Variants in AKAP6 observed in about 807,000 individuals in gnomAD.
AKAP6 encodes A-kinase anchoring protein 6.
Under a neutral mutation model 188.5 loss-of-function variants are expected in AKAP6, and 58 were observed. That is an observed-to-expected ratio of 0.31 (90% confidence interval 0.25 to 0.38). The LOEUF (loss-of-function observed/expected upper bound fraction) is 0.38. Ranked by LOEUF, AKAP6 falls within the 10% of genes least tolerant of loss-of-function variation. The pLI is 1.00. For synonymous variants in AKAP6, 989 were observed against 998.6 expected (o/e 0.99, Z 0.18); for missense variants, 2,710 against 2,740.0 (o/e 0.99, Z 0.24).
intron 1 of AKAP6, among the ~76,000 whole-genome samples, chr14:32,353,429 C>A (rs1236661703): frequency 6.6e-6 from 1 of 152,010 alleles, no homozygotes; most frequent in Non-Finnish European, 1.5e-5. Flanking sequence ...GGTGTGGTGG[C>A]GGGCGCCTGT....
chr14:32,639,984 A>C (rs1037801651), intron 7 of AKAP6, among the ~76,000 whole-genome samples: 4 of 152,144 alleles, frequency 2.6e-5, no homozygotes, highest in Admixed American at 1.3e-4. Context: ...AGTAAACTCC[A>C]TTTTTGTTAA....
intron 1 of AKAP6, among the ~76,000 whole-genome samples, chr14:32,372,465 C>T (rs1594551441): frequency 6.6e-6 from 1 of 151,866 alleles, no homozygotes; most frequent in African/African-American, 2.4e-5. Flanking sequence ...AAGTACTAGT[C>T]ATCCAAATCA....
intron 1 of AKAP6, among the ~76,000 whole-genome samples, chr14:32,362,920 G>C (rs777162619): frequency 7.9e-5 from 12 of 152,176 alleles, no homozygotes; most frequent in Non-Finnish European, 1.3e-4. Flanking sequence ...TGGGGCTGGA[G>C]AGCAGTAGAG....
At chr14:32,385,120 A>C (rs1490443249) in intron 1 of AKAP6, 2 of 149,080 alleles carry the variant, frequency 1.3e-5, no homozygotes, top group African/African-American at 4.9e-5. Context: ...CTTCAATAAG[A>C]AACTCCATCT....
At chr14:32,541,917 T>C (rs1464138398) in intron 3 of AKAP6, among the ~76,000 whole-genome samples, 1 of 152,206 alleles carries the variant, frequency 6.6e-6, no homozygotes, top group Admixed American at 6.5e-5. Flanking sequence ...TGAGATTGAT[T>C]TCTTATTTTG....
intron 2 of AKAP6, among the ~76,000 whole-genome samples, chr14:32,456,041 T>C (rs538586613): frequency 6.6e-6 from 1 of 152,286 alleles, no homozygotes; most frequent in East Asian, 1.9e-4. Flanking sequence ...TTTCTGTTTT[T>C]TTTCGGTGGT....
At chr14:32,753,819 A>G (rs995924003) in intron 11 of AKAP6, among the ~76,000 whole-genome samples, 7 of 152,060 alleles carry the variant, frequency 4.6e-5, no homozygotes, top group African/African-American at 1.7e-4. Flanking sequence ...TGTTGAAAAT[A>G]AATTGATCAT....
At chr14:32,693,639 G>A (rs1890272764) in intron 8 of AKAP6, 1 of 152,096 alleles carries the variant, frequency 6.6e-6, no homozygotes, top group Non-Finnish European at 1.5e-5. Context: ...CTTAGGCCAG[G>A]AGAGAGGAGA....
intron 7 of AKAP6, among the ~76,000 whole-genome samples, chr14:32,601,648 TG>T (rs1885931553): frequency 6.6e-6 from 1 of 152,162 alleles, no homozygotes; most frequent in South Asian, 2.1e-4. Flanking sequence ...TATTGTAACA[TG>T]GGGGAAACAT....
At chr14:32,372,691 G>C (rs777899736) in intron 1 of AKAP6, among the ~76,000 whole-genome samples, 1 of 151,662 alleles carries the variant, frequency 6.6e-6, no homozygotes, top group Non-Finnish European at 1.5e-5. Context: ...GGAGGAATTA[G>C]GAACCCCACA....
intron 2 of AKAP6, among the ~76,000 whole-genome samples, chr14:32,472,782 C>A (rs1422506258): frequency 2.6e-5 from 4 of 152,104 alleles, no homozygotes; most frequent in African/African-American, 9.7e-5. Context: ...GTCTGGTCTG[C>A]CACCATCACC....
chr14:32,514,343 C>T (rs1217704777), intron 2 of AKAP6, among the ~76,000 whole-genome samples: 1 of 152,162 alleles, frequency 6.6e-6, no homozygotes, highest in East Asian at 1.9e-4. Context: ...AATCAACAGT[C>T]AAGCCAGTTG....
intron 1 of AKAP6, among the ~76,000 whole-genome samples, chr14:32,348,894 A>G (rs972354221): frequency 6.6e-6 from 1 of 152,184 alleles, no homozygotes; most frequent in Non-Finnish European, 1.5e-5. Flanking sequence ...TGCTGAGGCC[A>G]GCCTGTGAGT....
At chr14:32,699,819 C>T (rs190290744) in intron 9 of AKAP6, among the ~76,000 whole-genome samples, 198 of 152,272 alleles carry the variant, frequency 1.3e-3, no homozygotes, top group African/African-American at 4.3e-3. Context: ...CTCGTCATTC[C>T]TCCTCTCTTC....
At chr14:32,820,720 AG>A (rs1444244124) in intron 12 of AKAP6, among the ~76,000 whole-genome samples, 2 of 152,138 alleles carry the variant, frequency 1.3e-5, no homozygotes, top group Non-Finnish European at 2.9e-5. Flanking sequence ...TGGAGCATTC[AG>A]GGTCTAGGAA....
rs145155247 is a variant in AKAP6, at chr14:32,744,601, G to A, written c.3372+8719G>A. Among the ~76,000 whole-genome samples the A allele has an allele frequency of 4.5e-3, 686 of 152,280 alleles. 11 individuals carry two copies. The highest frequency in any genetic ancestry group is 0.016 in the African/African-American group (654 of 41,568). ...CAAAGTACTGGGATTACAGGCATGAGCCACTGCACCCGGTCCTTGGTATAA... is the reference window on the plus strand; with the variant it reads ...CAAAGTACTGGGATTACAGGCATGAACCACTGCACCCGGTCCTTGGTATAA... On this transcript the variant is annotated intron_variant, in intron 11 of 13. Transcript: ENST00000280979.
At chr14:32,342,797 C>A (rs1886931642) in intron 1 of AKAP6, among the ~76,000 whole-genome samples, 1 of 152,098 alleles carries the variant, frequency 6.6e-6, no homozygotes, top group African/African-American at 2.4e-5. Context: ...AAATAAAATT[C>A]TGTCTGATCG....
At chr14:32,508,831 CTTTTT>C (rs200344461) in intron 2 of AKAP6, among the ~76,000 whole-genome samples, 36 of 146,136 alleles carry the variant, frequency 2.5e-4, no homozygotes, top group Middle Eastern at 3.5e-3. Context: ...TGAGTACCTA[CTTTTT>C]TTTTTTTTGA....
chr14:32,472,885 G>T (rs917383668), intron 2 of AKAP6, among the ~76,000 whole-genome samples: 4 of 144,194 alleles, frequency 2.8e-5, no homozygotes, highest in African/African-American at 9.8e-5. Context: ...ATGGCTGTTT[G>T]TATTAAAGGA....
Sources: allele counts gnomAD v4.1 joint callset (sites outside exome capture counted in the v4.1 genomes callset), GRCh38; gene constraint gnomAD v4.1.1; transcripts MANE v1.5; gene names NCBI Gene and HGNC (gene_info 2026-07-23, HGNC 2026-07-21).